The following HECTD4 variants were observed in gnomAD, a reference collection of about 807,000 sequenced individuals.
HECTD4 encodes probable E3 ubiquitin-protein ligase HECTD4.
In HECTD4, 114 loss-of-function variants were observed where a neutral mutation model predicts 471.5. The observed-to-expected ratio is 0.24, with a 90% CI of 0.21 to 0.28. HECTD4 has a LOEUF of 0.28. Among genes scored for constraint, HECTD4 ranks in the 10% least tolerant of loss-of-function variants. The probability of loss-of-function intolerance (pLI) is 1.00; values close to 1 mark genes in which losing one functional copy is unlikely to be tolerated. For synonymous variants in HECTD4, 2,012 were observed against 2,256.0 expected (o/e 0.89, Z 3.07); for missense variants, 3,866 against 5,651.5 (o/e 0.68, Z 10.13).
rs369447501 is a variant in HECTD4, at chr12:112,269,656, A to C, written c.2321+48T>G. On this transcript the variant is annotated intron_variant, in intron 13 of 75. Coordinates refer to ENST00000682272, the MANE Select transcript of HECTD4 (RefSeq NM_001388303.1). ...TTCAGGGAAGATTACAATGCCTTGC[A>C]GAAGAATCATTTTGCAGAGAGCACT... 4.4e-6 allele frequency: 7 copies of C among 1,601,846 alleles called. No homozygotes were observed. The African/African-American group carries it at 9.4e-5, about 21-fold the overall frequency.
At position 112,270,397 on chromosome 12, in the gene HECTD4, T is replaced by A; in HGVS notation, c.2005A>T (p.Ile669Leu). Residue 669 changes from isoleucine to leucine, a missense_variant, in exon 12 of 76, where the codon ATA becomes TTA. Transcript: ENST00000682272. Reference protein sequence around the residue: ...QLLHHVGAMCIHQLNLLATNP... With the variant: ...QLLHHVGAMCLHQLNLLATNP... Reference sequence around the variant, plus strand: ...GTGGCAAGAAGATTGAGTTGGTGTATGCACATCGCACCAACGTGGTGCAAT... The same window carrying A: ...GTGGCAAGAAGATTGAGTTGGTGTAAGCACATCGCACCAACGTGGTGCAAT... 6.2e-7 allele frequency: 1 copy of A among 1,614,036 alleles called. No individual in the cohort carries two copies. The highest frequency in any genetic ancestry group is 8.5e-7 in the Non-Finnish European group (1 of 1,179,898).
intron 15 of HECTD4, 41 bp from the exon 16 acceptor site, chr12:112,265,336 G>A (rs1051310880): frequency 7.6e-7 from 1 of 1,318,696 alleles, no homozygotes; most frequent in Non-Finnish European, 1.1e-6. Flanking sequence ...AATATTGATG[G>A]TTTATTCATA....
intron 29 of HECTD4, among the ~76,000 whole-genome samples, chr12:112,246,432 G>A (rs922697745): frequency 6.6e-6 from 1 of 151,872 alleles, no homozygotes; most frequent in African/African-American, 2.4e-5. Context: ...TCAGGAGTTC[G>A]AGACCAACCT....
At chr12:112,220,156 A>G (rs916300405) in intron 44 of HECTD4, among the ~76,000 whole-genome samples, 2 of 152,202 alleles carry the variant, frequency 1.3e-5, no homozygotes, top group Admixed American at 6.5e-5. Context: ...TAGCACAGGC[A>G]TTCAATAAAT....
Position 112,235,026 on chromosome 12 carries a change from T to A in HECTD4, c.5915+51A>T. The A allele has an allele frequency of 6.6e-7, 1 of 1,506,586 alleles. No individual in the cohort carries two copies. Among genetic ancestry groups the A allele is most frequent in the Non-Finnish European group, 9.0e-7 (1 of 1,113,466 alleles). The allele number at this position is 1,506,586 out of a possible 1,614,324, so 93.3% of individuals were successfully genotyped here. ...CAGGGCTTACTTAGCACAGTGCCTG[T>A]GACATGGGTGGTGCTTGAGGATGTG... On this transcript the variant is annotated intron_variant, in intron 37 of 75. Coordinates refer to ENST00000682272, the MANE Select transcript of HECTD4 (RefSeq NM_001388303.1). The surrounding 1 kb of genome is among the most constrained non-coding windows in gnomAD (Gnocchi z 5.0).
chr12:112,311,406 C>G (rs2035367201), intron 4 of HECTD4, among the ~76,000 whole-genome samples: 1 of 151,662 alleles, frequency 6.6e-6, no homozygotes, highest in South Asian at 2.1e-4. Flanking sequence ...TAAAGACCAG[C>G]TTGGGCAACA....
At chr12:112,320,672 G>A (rs760965369) in intron 1 of HECTD4, among the ~76,000 whole-genome samples, 2 of 151,828 alleles carry the variant, frequency 1.3e-5, no homozygotes, top group Non-Finnish European at 2.9e-5. Context: ...CTGAACTCCA[G>A]CCTGGGTGAC....
chr12:112,204,245 T>C (rs1326921502), intron 53 of HECTD4, among the ~76,000 whole-genome samples: 6 of 152,202 alleles, frequency 3.9e-5, no homozygotes, highest in South Asian at 2.1e-4. Flanking sequence ...GCCCAGGCCC[T>C]ACCTCTTTTC....
chr12:112,178,924 C>A lies in HECTD4; in HGVS notation c.11363+7G>T. On this transcript the variant is annotated splice_region_variant and intron_variant, in intron 64 of 75. Transcript: ENST00000682272. ...GCTGGGCTGCCCAGGCTCCTTGGGG[C>A]ACGCACCTGACGCTGTTGAGCACAG... 6.2e-7 allele frequency: 1 copy of A among 1,602,818 alleles called. No individual in the cohort carries two copies. Among genetic ancestry groups the A allele is most frequent in the Non-Finnish European group, 8.5e-7 (1 of 1,174,176 alleles).
chr12:112,371,077 A>C (rs1594082703), intron 1 of HECTD4, among the ~76,000 whole-genome samples: 1 of 152,200 alleles, frequency 6.6e-6, no homozygotes, highest in African/African-American at 2.4e-5. Context: ...CTTCAGACCT[A>C]GGAAAGAAGA....
chr12:112,168,511 A>G (rs1038491122), intron 70 of HECTD4, among the ~76,000 whole-genome samples: 1 of 152,070 alleles, frequency 6.6e-6, no homozygotes, highest in Non-Finnish European at 1.5e-5. Flanking sequence ...TGTGTTCCCT[A>G]TCGGTACCCT....
chr12:112,365,761 GT>G (rs1289507631), intron 1 of HECTD4, among the ~76,000 whole-genome samples: 6 of 128,906 alleles, frequency 4.7e-5, no homozygotes, highest in Admixed American at 9.1e-5. Flanking sequence ...GCTTCTTTGT[GT>G]TTTTTTTTTG....
intron 1 of HECTD4, among the ~76,000 whole-genome samples, chr12:112,345,756 A>G (rs893789803): frequency 3.7e-4 from 56 of 152,012 alleles, no homozygotes; most frequent in African/African-American, 1.3e-3. Context: ...TTAGCCGGGC[A>G]TGGTGGCGGG....
At chr12:112,263,775 C>T (rs913526636) in intron 17 of HECTD4, among the ~76,000 whole-genome samples, 2 of 149,794 alleles carry the variant, frequency 1.3e-5, no homozygotes, top group Non-Finnish European at 3.0e-5. Flanking sequence ...GTCTATGTAG[C>T]TATAACTTTC....
At chr12:112,266,147 G>A (rs1046059192) in intron 14 of HECTD4, among the ~76,000 whole-genome samples, 164 bp from the exon 15 acceptor site, 12 of 152,208 alleles carry the variant, frequency 7.9e-5, no homozygotes, top group Admixed American at 5.9e-4. Flanking sequence ...CAACGAATCC[G>A]ACTTTTTAAC....
intron 8 of HECTD4, among the ~76,000 whole-genome samples, chr12:112,282,696 T>C (rs2135641255): frequency 6.6e-6 from 1 of 152,308 alleles, no homozygotes; most frequent in East Asian, 1.9e-4. Flanking sequence ...AAACATTAAA[T>C]TAAAAAACTA....
chr12:112,279,625 G>A (rs1348117622), intron 8 of HECTD4, among the ~76,000 whole-genome samples: 4 of 152,174 alleles, frequency 2.6e-5, no homozygotes, highest in African/African-American at 9.7e-5. Context: ...TCTTGACAGT[G>A]CTCCCAATCC....
At chr12:112,236,908 C>T in intron 35 of HECTD4, 37 bp downstream of exon 35, 1 of 1,494,538 alleles carries the variant, frequency 6.7e-7, no homozygotes, top group Middle Eastern at 1.8e-4. Flanking sequence ...AGAGGAAAGC[C>T]AGCTTCTCCC....
chr12:112,226,866 G>C, intron 43 of HECTD4, 108 bp from the exon 44 acceptor site: 1 of 684,658 alleles, frequency 1.5e-6, no homozygotes. Flanking sequence ...TTTACAACAA[G>C]GTTCAAACAC....
Sources: allele counts gnomAD v4.1 joint callset (sites outside exome capture counted in the v4.1 genomes callset), GRCh38; gene constraint gnomAD v4.1.1; non-coding constraint Gnocchi (gnomAD v3.1); transcripts MANE v1.5; gene names NCBI Gene and HGNC (gene_info 2026-07-23, HGNC 2026-07-21).